Variants in AHCYL2 observed in about 807,000 individuals in gnomAD.
AHCYL2 encodes adenosylhomocysteinase like 2, also known as S-adenosylhomocysteine hydrolase-like protein 2.
A neutral mutation model predicts 81.4 loss-of-function variants in AHCYL2; 28 were observed. The ratio of observed to expected loss-of-function variants is 0.34; its 90% confidence interval spans 0.25 to 0.47. The LOEUF (loss-of-function observed/expected upper bound fraction) is 0.47, where lower values mean the gene tolerates loss of function less well. Ranked by LOEUF, AHCYL2 falls within the 20% of genes least tolerant of loss-of-function variation. AHCYL2 has a pLI of 1.00. For missense variants in AHCYL2, 551 were observed against 785.1 expected, an observed-to-expected ratio of 0.70 and a Z score of 3.56; for synonymous variants, 272 against 290.2, an observed-to-expected ratio of 0.94 and a Z score of 0.64.
intron 1 of AHCYL2, among the ~76,000 whole-genome samples, chr7:129,353,858 C>A (rs1793650673): frequency 6.7e-6 from 1 of 149,658 alleles, no homozygotes; most frequent in African/African-American, 2.5e-5. Flanking sequence ...AAAGAGAAGC[C>A]CAAAGGAAAC....
chr7:129,240,788 G>T (rs966154932), intron 1 of AHCYL2, among the ~76,000 whole-genome samples: 3 of 152,062 alleles, frequency 2.0e-5, no homozygotes, highest in Non-Finnish European at 4.4e-5. Context: ...CAGAAACACT[G>T]TGCCCATGTG....
intron 1 of AHCYL2, among the ~76,000 whole-genome samples, chr7:129,286,901 C>T (rs1030002552): frequency 6.6e-6 from 1 of 151,932 alleles, no homozygotes; most frequent in Admixed American, 6.6e-5. Flanking sequence ...TAGCTATAAA[C>T]CCGCCATGTG....
At chr7:129,304,032 A>C (rs1055204458) in intron 1 of AHCYL2, among the ~76,000 whole-genome samples, 20 of 152,216 alleles carry the variant, frequency 1.3e-4, no homozygotes, top group Admixed American at 1.1e-3. Context: ...GGTTGCATTG[A>C]GCTGACACAA....
intron 1 of AHCYL2, among the ~76,000 whole-genome samples, chr7:129,305,385 G>A (rs113062601): frequency 0.23 from 35,446 of 151,998 alleles, 5,185 homozygotes; most frequent in Non-Finnish European, 0.32. Flanking sequence ...GCTTGAATCC[G>A]GGAGGCAGAG....
chr7:129,341,350 C>G (rs1793171341), intron 1 of AHCYL2, among the ~76,000 whole-genome samples: 2 of 152,176 alleles, frequency 1.3e-5, no homozygotes, highest in African/African-American at 4.8e-5. Flanking sequence ...CAGTGCCATC[C>G]TTTCTCCAGT....
chr7:129,401,663 A>T (rs1180243964), intron 6 of AHCYL2, among the ~76,000 whole-genome samples: 1 of 152,194 alleles, frequency 6.6e-6, no homozygotes, highest in Non-Finnish European at 1.5e-5. Flanking sequence ...GCTCATTCCA[A>T]CAGTTTTAAT....
chr7:129,308,437 A>G (rs112830558), intron 1 of AHCYL2, among the ~76,000 whole-genome samples: 160 of 152,324 alleles, frequency 1.1e-3, no homozygotes, highest in Middle Eastern at 3.4e-3. Context: ...GGGTGCTGCC[A>G]GGGGATGGGA....
rs376961164 is a variant in AHCYL2 at position 129,241,621 on chromosome 7, T to C, written c.363+16182T>C. Among the ~76,000 whole-genome samples, 20 of 152,200 alleles carry C rather than the reference T, an allele frequency of 1.3e-4. No homozygotes were observed. The East Asian group carries it at 3.1e-3, about 24-fold the overall frequency. ...AAATAAAATAAAATAAAATTTCATT[T>C]CAAATAGATGGAAGAGTCATGAGAA... On this transcript the variant is annotated intron_variant, in intron 1 of 16. Coordinates refer to ENST00000325006, the MANE Select transcript of AHCYL2 (RefSeq NM_015328.4).
Position 129,350,255 on chromosome 7 carries a change from C to G in AHCYL2, c.364-29383C>G, listed in dbSNP as rs557474043. Reference sequence around the variant, plus strand: ...GGGTCAGTCACTTATCCTGTCCATACTTGTTTCCTCAGTTGTGAAATGGTG... The same window carrying G: ...GGGTCAGTCACTTATCCTGTCCATAGTTGTTTCCTCAGTTGTGAAATGGTG... On this transcript the variant is annotated intron_variant, in intron 1 of 16. Coordinates refer to ENST00000325006, the MANE Select transcript of AHCYL2 (RefSeq NM_015328.4). 2.6e-5 allele frequency among the ~76,000 whole-genome samples: 4 copies of G among 152,236 alleles called. No individual in the cohort carries two copies. The East Asian group carries it at 7.7e-4, about 29-fold the overall frequency.
intron 1 of AHCYL2, among the ~76,000 whole-genome samples, chr7:129,318,003 G>A (rs1485606823): frequency 1.3e-5 from 2 of 152,118 alleles, no homozygotes; most frequent in Non-Finnish European, 2.9e-5. Context: ...TATAATACTC[G>A]TGCAATAAAT....
intron 1 of AHCYL2, among the ~76,000 whole-genome samples, chr7:129,325,061 C>T (rs1446774092): frequency 6.6e-6 from 1 of 152,136 alleles, no homozygotes; most frequent in African/African-American, 2.4e-5. Context: ...TTTATAAAAA[C>T]CTTCAAGGAT....
intron 1 of AHCYL2, among the ~76,000 whole-genome samples, chr7:129,319,345 C>T (rs1047969231): frequency 2.0e-5 from 3 of 151,800 alleles, no homozygotes; most frequent in African/African-American, 7.3e-5. Context: ...ATCCCAACTA[C>T]GTAGGAGGCT....
At chr7:129,276,747 A>AAAG (rs1554473354) in intron 1 of AHCYL2, among the ~76,000 whole-genome samples, 30 of 151,258 alleles carry the variant, frequency 2.0e-4, no homozygotes, top group Non-Finnish European at 3.8e-4. Flanking sequence ...AAAAAAAAAA[A>AAAG]AAAAGAAAAA....
intron 1 of AHCYL2, among the ~76,000 whole-genome samples, chr7:129,301,002 G>C (rs1371580629): frequency 6.6e-6 from 1 of 151,986 alleles, no homozygotes; most frequent in Admixed American, 6.6e-5. Flanking sequence ...TATTTTTAGT[G>C]AAGATGTGGT....
intron 1 of AHCYL2, among the ~76,000 whole-genome samples, chr7:129,291,979 CTT>C (rs1473848664): frequency 6.6e-6 from 1 of 152,000 alleles, no homozygotes; most frequent in Non-Finnish European, 1.5e-5. Flanking sequence ...CAAAAAATGA[CTT>C]TTAATTTTTC....
intron 1 of AHCYL2, among the ~76,000 whole-genome samples, chr7:129,362,967 T>C (rs1197104582): frequency 6.6e-6 from 1 of 152,156 alleles, no homozygotes; most frequent in Admixed American, 6.5e-5. Flanking sequence ...CCTTTGGCCC[T>C]AAGCACATAC....
chr7:129,271,092 G>A (rs997500163), intron 1 of AHCYL2, among the ~76,000 whole-genome samples: 20 of 152,054 alleles, frequency 1.3e-4, no homozygotes, highest in Admixed American at 1.3e-3. Context: ...GCCGGGCGTG[G>A]TGGCTCATGC....
At chr7:129,241,064 A>C (rs1400696801) in intron 1 of AHCYL2, among the ~76,000 whole-genome samples, 1 of 152,196 alleles carries the variant, frequency 6.6e-6, no homozygotes, top group Non-Finnish European at 1.5e-5. Context: ...CACTGAAACT[A>C]CATAGCCAGA....
chr7:129,426,831 C>T lies in AHCYL2; in HGVS notation c.1830-208C>T, dbSNP rs556883670. On this transcript the variant is annotated intron_variant, in intron 16 of 16. Transcript: ENST00000325006. The surrounding 1 kb of genome is among the most constrained non-coding windows in gnomAD (Gnocchi z 4.3). ...GTTCCCCTTCCTCAATTCCTTTCCC[C>T]ATTTCATCTTGTTGCTATGATTTTT... 2.0e-5 allele frequency among the ~76,000 whole-genome samples: 3 copies of T among 152,012 alleles called. No individual in the cohort carries two copies. Among genetic ancestry groups the T allele is most frequent in the South Asian group, 2.1e-4 (1 of 4,820 alleles).
Sources: gnomAD v4.1 joint callset for allele counts (sites outside exome capture counted in the v4.1 genomes callset) on GRCh38, gnomAD v4.1.1 for gene constraint, Gnocchi (gnomAD v3.1) non-coding constraint, MANE v1.5 for transcripts, NCBI Gene and HGNC (gene_info 2026-07-23, HGNC 2026-07-21) for gene names.